The following CLEC4A variants were observed in gnomAD, a reference collection of about 807,000 sequenced individuals.
CLEC4A encodes C-type lectin domain family 4 member A.
CLEC4A carries 27 observed loss-of-function variants against 32.7 expected under a neutral mutation model. The ratio of observed to expected loss-of-function variants is 0.83; its 90% confidence interval spans 0.61 to 1.14. The LOEUF is 1.14. CLEC4A is among the 50% of genes most tolerant of loss of function. The pLI is 0.00. For missense variants in CLEC4A, 253 were observed against 274.6 expected, an observed-to-expected ratio of 0.92 and a Z score of 0.55; for synonymous variants, 89 against 93.7, an observed-to-expected ratio of 0.95 and a Z score of 0.29.
chr12:8,119,493 G>A (rs1947814224), upstream of CLEC4A, among the ~76,000 whole-genome samples: 1 of 152,124 alleles, frequency 6.6e-6, no homozygotes, highest in Non-Finnish European at 1.5e-5. Flanking sequence ...CAAAGTGCTG[G>A]GATTACAGGC....
the CLEC4A span, among the ~76,000 whole-genome samples, chr12:8,107,784 T>C: frequency 1.3e-5 from 2 of 150,180 alleles, no homozygotes; most frequent in East Asian, 4.0e-4. Flanking sequence ...TTTTTTTTTT[T>C]CCTTTATTAG....
At chr12:8,123,170 T>G (rs1413701620), upstream of CLEC4A, among the ~76,000 whole-genome samples, 1 of 152,176 alleles carries the variant, frequency 6.6e-6, no homozygotes, top group Non-Finnish European at 1.5e-5. Context: ...TCCTCCAACA[T>G]CCAGTAAAGG....
At chr12:8,116,631 T>TG in the CLEC4A span, among the ~76,000 whole-genome samples, 2 of 152,354 alleles carry the variant, frequency 1.3e-5, no homozygotes, top group East Asian at 3.9e-4. Context: ...CTTTGTGATT[T>TG]CATTATAGAT....
chr12:8,108,898 A>G, the CLEC4A span, among the ~76,000 whole-genome samples: 42 of 152,018 alleles, frequency 2.8e-4, no homozygotes, highest in Admixed American at 2.6e-3. Flanking sequence ...CTTTGTTCCT[A>G]CTATTTGTAT....
intron 3 of CLEC4A, 116 bp from the exon 4 acceptor site, chr12:8,135,469 T>G: frequency 2.0e-6 from 2 of 1,006,076 alleles, no homozygotes; most frequent in South Asian, 1.9e-5. Context: ...TGCATCTGAG[T>G]GTGGAGGGGA....
At chr12:8,112,271 G>A in the CLEC4A span, among the ~76,000 whole-genome samples, 12 of 152,166 alleles carry the variant, frequency 7.9e-5, no homozygotes, top group East Asian at 9.7e-4. Flanking sequence ...CCTGGCCTAC[G>A]TGGGTATATT....
intron 2 of CLEC4A, among the ~76,000 whole-genome samples, chr12:8,126,908 G>T (rs1375972628): frequency 1.3e-5 from 2 of 152,144 alleles, no homozygotes; most frequent in Admixed American, 1.3e-4. Flanking sequence ...TGAAGTTGTA[G>T]GTGGCAGAAA....
At chr12:8,121,844 T>G (rs1947833435), upstream of CLEC4A, 1 of 151,954 alleles carries the variant, frequency 6.6e-6, no homozygotes, top group African/African-American at 2.4e-5. Flanking sequence ...CTATAGGGAG[T>G]CAGAGTCGCA....
chr12:8,134,865 G>T (rs1565406198), intron 3 of CLEC4A: 1 of 1,519,136 alleles, frequency 6.6e-7, no homozygotes. Flanking sequence ...GAAGGAAGGC[G>T]CCCCAAGCAT....
chr12:8,125,440 C>A, intron 1 of CLEC4A, 121 bp from the exon 2 acceptor site: 1 of 621,532 alleles, frequency 1.6e-6, no homozygotes, highest in Non-Finnish European at 2.9e-6. Flanking sequence ...CATGTGATTT[C>A]AAATGTCATA....
the CLEC4A span, among the ~76,000 whole-genome samples, chr12:8,115,964 C>CTA: frequency 6.6e-6 from 1 of 151,476 alleles, no homozygotes; most frequent in Non-Finnish European, 1.5e-5. Flanking sequence ...AATTTTTAAT[C>CTA]TATATATATA....
At chr12:8,133,192 G>T (rs1160116418) in intron 3 of CLEC4A, among the ~76,000 whole-genome samples, 3 of 152,204 alleles carry the variant, frequency 2.0e-5, no homozygotes, top group Non-Finnish European at 4.4e-5. Flanking sequence ...AGGGATTACA[G>T]GTGTGAGCCA....
chr12:8,103,397 T>TTTTTTA, the CLEC4A span, among the ~76,000 whole-genome samples: 1 of 129,756 alleles, frequency 7.7e-6, no homozygotes, highest in South Asian at 2.6e-4. Flanking sequence ...TTTTTTTTTT[T>TTTTTTA]TTTTTTTTAG....
In CLEC4A at chr12:8,134,859, G is replaced by A. The variant is rs770473657; in HGVS notation, c.299-726G>A. Reference sequence around the variant, plus strand: ...AGCCAGGTGTCCCGCCATGGGGAAGGAAGGCGCCCCAAGCATGGTGAAATC... The same window carrying A: ...AGCCAGGTGTCCCGCCATGGGGAAGAAAGGCGCCCCAAGCATGGTGAAATC... On this transcript the variant is annotated intron_variant, in intron 3 of 5. Coordinates refer to ENST00000229332, the MANE Select transcript of CLEC4A (RefSeq NM_016184.4). The A allele has an allele frequency of 5.2e-6, 8 of 1,533,962 alleles. No individual in the cohort carries two copies. The South Asian group carries it at 8.5e-5, about 16-fold the overall frequency.
the CLEC4A span, among the ~76,000 whole-genome samples, chr12:8,116,626 T>C: frequency 6.6e-6 from 1 of 152,250 alleles, no homozygotes; most frequent in Non-Finnish European, 1.5e-5. Context: ...CTAATCTTTG[T>C]GATTTCATTA....
chr12:8,122,270 A>G (rs1181311807), upstream of CLEC4A, among the ~76,000 whole-genome samples: 1 of 151,692 alleles, frequency 6.6e-6, no homozygotes, highest in East Asian at 2.0e-4. Flanking sequence ...AGACCCCTCC[A>G]GGGTGAGGAG....
upstream of CLEC4A, chr12:8,120,841 G>A (rs1205556878): frequency 1.3e-5 from 2 of 152,128 alleles, no homozygotes; most frequent in African/African-American, 4.8e-5. Context: ...TTTGTGAAAG[G>A]ATTAAACTTT....
upstream of CLEC4A, chr12:8,121,198 C>G (rs1947827921): frequency 2.0e-5 from 3 of 152,100 alleles, no homozygotes; most frequent in South Asian, 6.2e-4. Flanking sequence ...GTGACTTATT[C>G]CAGGGAGAGA....
At chr12:8,119,129 CA>C (rs1372195081), upstream of CLEC4A, among the ~76,000 whole-genome samples, 1 of 152,208 alleles carries the variant, frequency 6.6e-6, no homozygotes, top group Non-Finnish European at 1.5e-5. Context: ...GGATGAACCT[CA>C]AAAACACTAA....
Sources: allele counts gnomAD v4.1 joint callset (sites outside exome capture counted in the v4.1 genomes callset), GRCh38; gene constraint gnomAD v4.1.1; transcripts MANE v1.5; gene names NCBI Gene and HGNC (gene_info 2026-07-23, HGNC 2026-07-21).